SPTBN1: variants seen among roughly 807,000 people sequenced by gnomAD.
SPTBN1 encodes the protein spectrin beta chain, non-erythrocytic 1.
A neutral mutation model predicts 266.4 loss-of-function variants in SPTBN1; 32 were observed. The ratio of observed to expected loss-of-function variants is 0.12; its 90% CI spans 0.09 to 0.16. SPTBN1 has a LOEUF of 0.16. Among genes scored for constraint, SPTBN1 ranks in the 10% least tolerant of loss-of-function variants. SPTBN1 has a pLI of 1.00. For missense variants in SPTBN1, 2,296 were observed against 3,067.1 expected (o/e 0.75, Z 5.94); for synonymous variants, 1,336 against 1,162.2 (o/e 1.15, Z -3.04).
intron 1 of SPTBN1, among the ~76,000 whole-genome samples, chr2:54,459,431 C>T (rs2103778382): frequency 6.6e-6 from 1 of 152,192 alleles, no homozygotes; most frequent in South Asian, 2.1e-4. Context: ...GTTGCTTTGT[C>T]TTGATGTTTG....
At chr2:54,621,765 G>A (rs17344134) in intron 8 of SPTBN1, among the ~76,000 whole-genome samples, 5,923 of 152,248 alleles carry the variant, frequency 0.039, 147 homozygotes, top group Admixed American at 0.087. Context: ...AGGAAATTGG[G>A]TATTGGAAAT....
At chr2:54,648,385 CA>C (rs1174731098) in intron 24 of SPTBN1, among the ~76,000 whole-genome samples, 1 of 152,152 alleles carries the variant, frequency 6.6e-6, no homozygotes, top group African/African-American at 2.4e-5. Flanking sequence ...GAGGGGGATT[CA>C]GTCTCCTGAC....
At position 54,670,019 on chromosome 2, in the gene SPTBN1, A is replaced by G. The variant is rs1191281015; in HGVS notation, c.*1450A>G. On this transcript the variant is annotated 3_prime_UTR_variant, in exon 36 of 36. Transcript: ENST00000356805. ...AGGCCGTAACTGTCTCTGTTGCTCAATTCTGCTGTTGCGTAATACAAAGGC... is the reference window on the plus strand; with the variant it reads ...AGGCCGTAACTGTCTCTGTTGCTCAGTTCTGCTGTTGCGTAATACAAAGGC... 5.3e-5 allele frequency: 8 copies of G among 152,334 alleles called. No individual in the cohort carries two copies. The highest frequency in any genetic ancestry group is 2.6e-4 in the Admixed American group (4 of 15,298). 9.4% of individuals were successfully genotyped at this position (152,334 alleles called of 1,614,324 possible).
chr2:54,509,544 A>C (rs995291164), intron 1 of SPTBN1, among the ~76,000 whole-genome samples: 4 of 152,196 alleles, frequency 2.6e-5, no homozygotes, highest in Non-Finnish European at 4.4e-5. Flanking sequence ...CAAGTTGTTG[A>C]TCTGGTTCTC....
At chr2:54,482,761 T>G (rs1023472532) in intron 1 of SPTBN1, among the ~76,000 whole-genome samples, 10 of 152,134 alleles carry the variant, frequency 6.6e-5, no homozygotes, top group Non-Finnish European at 7.4e-5. Flanking sequence ...GCAGCCTAGA[T>G]CTAGGGTGTC....
rs371248601 is a variant in SPTBN1, at chr2:54,472,998, C to G, written c.-48+16480C>G. Among the ~76,000 whole-genome samples, 8 of 152,224 alleles carry G rather than the reference C, an allele frequency of 5.3e-5. No individual in the cohort carries two copies. The East Asian group carries it at 1.5e-3, about 29-fold the overall frequency. ...GTTAATTATCCCATAACTTAAAGTC[C>G]TTTAGACGTTTAGATTGAGACTAAT... On this transcript the variant is annotated intron_variant, in intron 1 of 35. Transcript: ENST00000356805.
intron 26 of SPTBN1, among the ~76,000 whole-genome samples, chr2:54,650,444 A>G (rs150158056): frequency 6.6e-6 from 1 of 152,208 alleles, no homozygotes; most frequent in African/African-American, 2.4e-5. Context: ...TTTGTTTAAA[A>G]GATGTTTGAC....
Position 54,540,742 on chromosome 2 carries a change from T to C in SPTBN1, c.148+14176T>C, listed in dbSNP as rs1671887020. 1 of 152,210 alleles carries C rather than the reference T, an allele frequency of 6.6e-6. No individual in the cohort carries two copies. Among genetic ancestry groups the C allele is most frequent in the African/African-American group, 2.4e-5 (1 of 41,442 alleles). 9.4% of individuals were successfully genotyped at this position (152,210 alleles called of 1,614,324 possible). A position where few individuals can be genotyped will look rare whatever the true frequency, so the allele number is the denominator to read the frequency against. ...CATGTTAGCAGTTGAAGTTTGAGAATTTCATGGTTAATTTTTCCAAACGTT... is the reference window on the plus strand; with the variant it reads ...CATGTTAGCAGTTGAAGTTTGAGAACTTCATGGTTAATTTTTCCAAACGTT... On this transcript the variant is annotated intron_variant, in intron 2 of 35. Transcript: ENST00000356805. The surrounding 1 kb of genome is among the most constrained non-coding windows in gnomAD (Gnocchi z 5.6).
chr2:54,470,221 C>G lies in SPTBN1; in HGVS notation c.-48+13703C>G, dbSNP rs935671477. ...CGTCTTGTTTCAAAGGGAGACTATT[C>G]TTGTCTGTCATTTGAATTTTTTATA... On this transcript the variant is annotated intron_variant, in intron 1 of 35. Transcript: ENST00000356805. Among the ~76,000 whole-genome samples the G allele has an allele frequency of 3.3e-5, 5 of 150,536 alleles. No individual in the cohort carries two copies. The South Asian group carries it at 1.1e-3, about 32-fold the overall frequency.
At chr2:54,618,036 C>T (rs1026752549) in intron 6 of SPTBN1, 42 bp from the exon 7 acceptor site, 1 of 1,498,176 alleles carries the variant, frequency 6.7e-7, no homozygotes, top group Admixed American at 1.8e-5. Context: ...TATTTCTTTT[C>T]AAGCCATGAT....
At position 54,558,277 on chromosome 2, in the gene SPTBN1, A is replaced by G. The variant is rs1291496050; in HGVS notation, c.148+31711A>G. ...TCCCCCGCGCCCCTCCTCGTGGTAT[A>G]GCCTGCATTTCTAATACAATGCTGT... On this transcript the variant is annotated intron_variant, in intron 2 of 35. Coordinates refer to ENST00000356805, the MANE Select transcript of SPTBN1 (RefSeq NM_003128.3). This position sits in a 1 kb window ranked among gnomAD's most constrained non-coding sequence, Gnocchi z 4.6. The G allele has an allele frequency of 1.0e-6, 1 of 985,238 alleles. No individual in the cohort carries two copies. Among genetic ancestry groups the G allele is most frequent in the African/African-American group, 1.7e-5 (1 of 57,178 alleles). 61.0% of individuals were successfully genotyped at this position (985,238 alleles called of 1,614,324 possible). A position where few individuals can be genotyped will look rare whatever the true frequency, so the allele number is the denominator to read the frequency against.
intron 35 of SPTBN1, 114 bp downstream of exon 35, chr2:54,667,760 A>G (rs1186231650): frequency 5.6e-5 from 53 of 951,256 alleles, no homozygotes; most frequent in Non-Finnish European, 6.6e-5. Context: ...GATGGTTTCT[A>G]TCACTGGGCT....
intron 7 of SPTBN1, 66 bp downstream of exon 7, chr2:54,618,259 T>C: frequency 7.3e-7 from 1 of 1,366,860 alleles, no homozygotes; most frequent in Non-Finnish European, 1.0e-6. Flanking sequence ...TAATGTAAAA[T>C]CTGTTTTGTG....
At chr2:54,587,310 A>G (rs919256623) in intron 2 of SPTBN1, among the ~76,000 whole-genome samples, 3 of 152,198 alleles carry the variant, frequency 2.0e-5, no homozygotes, top group African/African-American at 7.2e-5. Context: ...TTCCTTAGGA[A>G]GAATATCACA....
rs1681248879 is a variant in SPTBN1, at chr2:54,664,500, A to G, written c.6468A>G (p.Glu2156=). 1.2e-6 allele frequency: 2 copies of G among 1,614,164 alleles called. No individual in the cohort carries two copies. The highest frequency in any genetic ancestry group is 1.7e-6 in the Non-Finnish European group (2 of 1,180,010). ...DTSEMVNGAT[E]QRTSSKESSP... ...GCGAAATGGTCAACGGCGCTACAGA[A>G]CAAAGGACGAGCTCTAAAGAGTCCA... Residue 2156 remains glutamate, a synonymous_variant, in exon 33 of 36, where the codon GAA becomes GAG. Transcript: ENST00000356805. This position sits in a 1 kb window ranked among gnomAD's most constrained non-coding sequence, Gnocchi z 5.6.
intron 2 of SPTBN1, among the ~76,000 whole-genome samples, chr2:54,587,211 A>G (rs1675354160): frequency 6.6e-6 from 1 of 152,202 alleles, no homozygotes; most frequent in Non-Finnish European, 1.5e-5. Flanking sequence ...AGCCCTTGAA[A>G]ATGAAGTAGA....
intron 1 of SPTBN1, among the ~76,000 whole-genome samples, chr2:54,461,153 A>T (rs1693347788): frequency 6.6e-6 from 1 of 152,188 alleles, no homozygotes; most frequent in South Asian, 2.1e-4. Flanking sequence ...TCTATGGTTT[A>T]TCCTTTTTAA....
At chr2:54,459,651 G>A (rs1001583939) in intron 1 of SPTBN1, among the ~76,000 whole-genome samples, 1 of 151,834 alleles carries the variant, frequency 6.6e-6, no homozygotes, top group Admixed American at 6.6e-5. Context: ...ATGTTGCATC[G>A]TAACTAGTAT....
rs144600922 is a variant in SPTBN1 at position 54,569,694 on chromosome 2, T to C, written c.149-29398T>C. Among the ~76,000 whole-genome samples, 3 of 152,338 alleles carry C rather than the reference T, an allele frequency of 2.0e-5. No homozygotes were observed. In the East Asian group the frequency reaches 5.8e-4, roughly 29 times the overall value. ...GAGAGCCTGCTTCTCATCTATGGGA[T>C]GAAGGTCATACAAATTCTGTGTAAT... is the stretch of plus-strand genomic sequence containing the variant. On this transcript the variant is annotated intron_variant, in intron 2 of 35. Transcript: ENST00000356805.
Sources: allele counts gnomAD v4.1 joint callset (sites outside exome capture counted in the v4.1 genomes callset), GRCh38; gene constraint gnomAD v4.1.1; non-coding constraint Gnocchi (gnomAD v3.1); transcripts MANE v1.5; gene names NCBI Gene and HGNC (gene_info 2026-07-23, HGNC 2026-07-21).